The following TBC1D4 variants were observed in gnomAD, a reference collection of about 807,000 sequenced individuals.
TBC1D4 encodes the protein TBC (Tre-2, BUB2, CDC16) domain-containing protein.
A neutral mutation model predicts 142.5 loss-of-function variants in TBC1D4; 121 were observed. The observed-to-expected ratio is 0.85, with a 90% confidence interval of 0.73 to 0.99. The LOEUF (loss-of-function observed/expected upper bound fraction) is 0.99, where lower values mean the gene tolerates loss of function less well. Ranked by LOEUF, TBC1D4 falls within the 50% of genes least tolerant of loss-of-function variation. TBC1D4 has a pLI of 0.00. For missense variants in TBC1D4, 1,475 were observed against 1,606.6 expected (o/e 0.92, Z 1.40); for synonymous variants, 630 against 628.2 (o/e 1.00, Z -0.04).
chr13:75,429,696 A>G (rs901315604), intron 1 of TBC1D4, among the ~76,000 whole-genome samples: 4 of 152,182 alleles, frequency 2.6e-5, no homozygotes, highest in African/African-American at 9.6e-5. Context: ...GTATTGGGGG[A>G]GAAAAGAAAA....
chr13:75,289,172 T>TTGTTGG, intron 19 of TBC1D4, 62 bp from the exon 20 acceptor site: 4 of 1,568,468 alleles, frequency 2.6e-6, no homozygotes, highest in Non-Finnish European at 3.5e-6. Context: ...TACAGCCTGT[T>TTGTTGG]TATCTTGGTA....
chr13:75,445,836 C>CTGA (rs1310531635), intron 1 of TBC1D4, among the ~76,000 whole-genome samples: 2 of 152,190 alleles, frequency 1.3e-5, no homozygotes, highest in Non-Finnish European at 2.9e-5. Context: ...TATTCATAAT[C>CTGA]TGATGATTGC....
At position 75,415,789 on chromosome 13, in the gene TBC1D4, T is replaced by C. The variant is rs543611604; in HGVS notation, c.499-53182A>G. Reference sequence around the variant, plus strand: ...GATCATCTTGTTATATTTTATGGTTTTGTACAAAACCACTGGTACCAAAAA... The same window carrying C: ...GATCATCTTGTTATATTTTATGGTTCTGTACAAAACCACTGGTACCAAAAA... On this transcript the variant is annotated intron_variant, in intron 1 of 20. Transcript: ENST00000377636. 6.6e-5 allele frequency among the ~76,000 whole-genome samples: 10 copies of C among 152,354 alleles called. No homozygotes were observed. The South Asian group carries it at 2.1e-3, about 32-fold the overall frequency.
In TBC1D4 at chr13:75,292,285, T is replaced by C. The variant is rs1027884999; in HGVS notation, c.3317-14A>G. ...GAAAAATAATATCTAAAAGAAGAGA[T>C]ATAATTTTCATGATCAAAACTATGC... On this transcript the variant is annotated splice_polypyrimidine_tract_variant and intron_variant, in intron 18 of 20. Transcript: ENST00000377636. The C allele has an allele frequency of 6.2e-7, 1 of 1,603,778 alleles. No individual in the cohort carries two copies.
chr13:75,344,905 T>TAA (rs1881025125), intron 5 of TBC1D4, among the ~76,000 whole-genome samples: 2 of 152,246 alleles, frequency 1.3e-5, no homozygotes, highest in African/African-American at 4.8e-5. Context: ...ATACTTTTAT[T>TAA]AATTTGTGTT....
intron 3 of TBC1D4, among the ~76,000 whole-genome samples, chr13:75,359,351 T>G (rs1882314657): frequency 6.6e-6 from 1 of 152,202 alleles, no homozygotes; most frequent in Admixed American, 6.5e-5. Flanking sequence ...TAAAATAAGC[T>G]GAAACCCTCG....
rs80157426 is a variant in TBC1D4 at position 75,409,159 on chromosome 13, C to T, written c.499-46552G>A. Among the ~76,000 whole-genome samples, 1,403 of 152,064 alleles carry T rather than the reference C, an allele frequency of 9.2e-3. 28 individuals carry two copies. Among genetic ancestry groups the T allele is most frequent in the African/African-American group, 0.032 (1,327 of 41,458 alleles). On this transcript the variant is annotated intron_variant, in intron 1 of 20. Coordinates refer to ENST00000377636, the MANE Select transcript of TBC1D4 (RefSeq NM_014832.5). ...TTTAAACTTATAATATGAATATATA[C>T]GTAAGTCTTCACACAATGATATCAT...
rs534183987 is a variant in TBC1D4, at chr13:75,352,908, T to C, written c.1275+3239A>G. On this transcript the variant is annotated intron_variant, in intron 4 of 20. Transcript: ENST00000377636. ...ATAATATTTAATTGACTGTTTTGTT[T>C]TGGTCTATGTATCAGCTGCTTAAGC... Among the ~76,000 whole-genome samples, 109 of 152,348 alleles carry C rather than the reference T, an allele frequency of 7.2e-4. 1 individual carries two copies. In the South Asian group the frequency reaches 0.022, roughly 31 times the overall value.
At position 75,481,645 on chromosome 13, in the gene TBC1D4, A is replaced by C. The variant is rs754112005; in HGVS notation, c.123T>G (p.Val41=). 6.2e-7 allele frequency: 1 copy of C among 1,604,906 alleles called. No individual in the cohort carries two copies. The highest frequency in any genetic ancestry group is 2.2e-5 in the East Asian group (1 of 44,542). ...TCCTGTGGTCCAGGCACGACCCCCC[A>C]ACGTACCACAGCCGGAACCGCTTAT... The part of the protein sequence containing the change: ...PSDKRFRLWY[V]GGSCLDHRTT... Residue 41 remains valine (V), a synonymous_variant, in exon 1 of 21, where the codon GTT becomes GTG. Transcript: ENST00000377636.
At chr13:75,339,592 T>C (rs1313918661) in intron 7 of TBC1D4, among the ~76,000 whole-genome samples, 1 of 151,904 alleles carries the variant, frequency 6.6e-6, no homozygotes. Flanking sequence ...ATGTTCTTTT[T>C]TTTTTTTGAG....
At chr13:75,391,848 G>C (rs9565161) in intron 1 of TBC1D4, among the ~76,000 whole-genome samples, 150,524 of 152,330 alleles carry the variant, frequency 0.99, 74,395 homozygotes, top group Middle Eastern at 1. Flanking sequence ...AGAGCAGGAG[G>C]CTTCCTCCTG....
chr13:75,474,370 T>C (rs1016153718), intron 1 of TBC1D4, among the ~76,000 whole-genome samples: 7 of 152,164 alleles, frequency 4.6e-5, no homozygotes, highest in Admixed American at 4.6e-4. Flanking sequence ...CCATCCTGGC[T>C]AACACGGTGA....
Position 75,294,950 on chromosome 13 carries a change from C to T in TBC1D4, c.3220G>A (p.Glu1074Lys). Residue 1074 changes from glutamate (E) to lysine (K), a missense_variant, in exon 18 of 21, where the codon GAA becomes AAA. By Grantham distance (56) the Glu-to-Lys change is moderately conservative (BLOSUM62 1). This residue lies in a region of TBC1D4 where 248 missense variants were observed against 338.9 expected (regional missense o/e 0.73). Coordinates refer to ENST00000377636, the MANE Select transcript of TBC1D4 (RefSeq NM_014832.5). ...AGACTGGGGCTGATTTCATTTTCTT[C>T]AAGGTGATTGTAGAGATCTCTGTGA... ...DYHRDLYNHL[E>K]ENEISPSLYA... 1 of 1,613,866 alleles carries T rather than the reference C, an allele frequency of 6.2e-7. No individual in the cohort carries two copies. The highest frequency in any genetic ancestry group is 8.5e-7 in the Non-Finnish European group (1 of 1,179,880).
intron 17 of TBC1D4, among the ~76,000 whole-genome samples, 200 bp from the exon 18 acceptor site, chr13:75,295,213 A>G (rs1039368772): frequency 1.3e-5 from 2 of 152,200 alleles, no homozygotes; most frequent in African/African-American, 2.4e-5. Flanking sequence ...CTGAAAGTCT[A>G]TCTAAGAAGA....
intron 1 of TBC1D4, among the ~76,000 whole-genome samples, chr13:75,418,899 G>A (rs1040477470): frequency 2.0e-5 from 3 of 152,166 alleles, no homozygotes; most frequent in Non-Finnish European, 2.9e-5. Context: ...AGTTCTGGTT[G>A]TGCTAAAGGT....
chr13:75,295,014 C>T lies in TBC1D4; in HGVS notation c.3157-1G>A. 4 of 1,613,402 alleles carry T rather than the reference C, an allele frequency of 2.5e-6. No homozygotes were observed. Among genetic ancestry groups the T allele is most frequent in the Non-Finnish European group, 3.4e-6 (4 of 1,179,642 alleles). On this transcript the variant is annotated splice_acceptor_variant, in intron 17 of 20. Transcript: ENST00000377636. LOFTEE classifies it high-confidence loss of function. Reference sequence around the variant, plus strand: ...GCCTGGACAGCTGGTACATTTGAATCTAAAGTTAATTTGGAGAAGAAAAAA... The same window carrying T: ...GCCTGGACAGCTGGTACATTTGAATTTAAAGTTAATTTGGAGAAGAAAAAA...
rs190152239 is a variant in TBC1D4, at chr13:75,287,044, A to T, written c.3664-19T>A. On this transcript the variant is annotated intron_variant, in intron 20 of 20. Transcript: ENST00000377636. ...GAGCTACCTGTTTGGGGGGGAAAAA[A>T]TCCTCCAAATCAAATGATTCATTAT... The T allele has an allele frequency of 5.8e-4, 926 of 1,595,270 alleles. 13 individuals carry two copies. Among genetic ancestry groups the T allele is most frequent in the Admixed American group, 2.7e-4 (16 of 59,860 alleles).
chr13:75,295,145 G>T, intron 17 of TBC1D4, 132 bp from the exon 18 acceptor site: 1 of 883,996 alleles, frequency 1.1e-6, no homozygotes, highest in Non-Finnish European at 1.7e-6. Context: ...TTATTTTTAT[G>T]ATTTTAAAGT....
At chr13:75,463,812 C>T (rs1888065460) in intron 1 of TBC1D4, among the ~76,000 whole-genome samples, 1 of 152,156 alleles carries the variant, frequency 6.6e-6, no homozygotes. Flanking sequence ...CTCCCACATT[C>T]CCCCAACCAG....
Sources: allele counts gnomAD v4.1 joint callset (sites outside exome capture counted in the v4.1 genomes callset), GRCh38; gene constraint gnomAD v4.1.1; regional missense constraint gnomAD v4.1.1; transcripts MANE v1.5; gene names NCBI Gene and HGNC (gene_info 2026-07-23, HGNC 2026-07-21).